The following KCNK13 variants were observed in gnomAD, a reference collection of about 807,000 sequenced individuals.
The protein encoded by KCNK13 is potassium two pore domain channel subfamily K member 13, also known as potassium channel subfamily K member 13.
Under a neutral mutation model 23.4 loss-of-function variants are expected in KCNK13, and 12 were observed. That is an observed-to-expected ratio of 0.51 (90% CI 0.33 to 0.83). The LOEUF (loss-of-function observed/expected upper bound fraction) is 0.83, where lower values mean the gene tolerates loss of function less well. KCNK13 is among the 40% of genes least tolerant of loss of function. The pLI is 0.02. For synonymous variants in KCNK13, 231 were observed against 229.5 expected, an observed-to-expected ratio of 1.01 and a Z score of -0.06; for missense variants, 463 against 556.3, an observed-to-expected ratio of 0.83 and a Z score of 1.69.
At chr14:90,169,118 T>C (rs1453283295) in intron 1 of KCNK13, among the ~76,000 whole-genome samples, 1 of 152,270 alleles carries the variant, frequency 6.6e-6, no homozygotes, top group Non-Finnish European at 1.5e-5. Context: ...CATTCACCTT[T>C]TATATGCAGT....
chr14:90,148,105 A>G (rs11844831), intron 1 of KCNK13, among the ~76,000 whole-genome samples: 10,917 of 152,212 alleles, frequency 0.072, 475 homozygotes, highest in South Asian at 0.21. Flanking sequence ...GCAGGTTGCA[A>G]TAAGCTGAGA....
chr14:90,109,461 T>A (rs58931009), intron 1 of KCNK13, among the ~76,000 whole-genome samples: 1 of 141,522 alleles, frequency 7.1e-6, no homozygotes, highest in Admixed American at 7.6e-5. Flanking sequence ...CAGGCTGGAG[T>A]GCAGTGGTGT....
At chr14:90,129,415 T>C (rs577073354) in intron 1 of KCNK13, among the ~76,000 whole-genome samples, 1 of 152,210 alleles carries the variant, frequency 6.6e-6, no homozygotes, top group African/African-American at 2.4e-5. Flanking sequence ...GAAGAACACA[T>C]ATGGCTGCGC....
intron 1 of KCNK13, among the ~76,000 whole-genome samples, chr14:90,096,310 T>G (rs1168004446): frequency 6.6e-6 from 1 of 152,188 alleles, no homozygotes; most frequent in Non-Finnish European, 1.5e-5. Context: ...AGCCCCATTC[T>G]GAAACTACCT....
chr14:90,147,118 G>C (rs117874911), intron 1 of KCNK13, among the ~76,000 whole-genome samples: 2 of 152,276 alleles, frequency 1.3e-5, no homozygotes, highest in East Asian at 3.9e-4. Flanking sequence ...GCTGCCTGCT[G>C]TCTGTGTCTG....
chr14:90,062,464 C>A lies in KCNK13; in HGVS notation c.259C>A (p.Arg87Ser). The A allele has an allele frequency of 6.5e-7, 1 of 1,545,600 alleles. No individual in the cohort carries two copies. Among genetic ancestry groups the A allele is most frequent in the South Asian group, 1.2e-5 (1 of 82,982 alleles). ...CGAGGAGGCCACTCGGGCCGGCATCCGCGTGGACAACGTCCGCCCGCGCTG... is the reference window on the plus strand; with the variant it reads ...CGAGGAGGCCACTCGGGCCGGCATCAGCGTGGACAACGTCCGCCCGCGCTG... The part of the protein sequence containing the change: ...HYEEATRAGI[R>S]VDNVRPRWDF... Residue 87 changes from arginine to serine, a missense_variant, in exon 1 of 2, where the codon CGC (arginine) becomes AGC (serine). Physicochemically the swap from Arg to Ser is moderately radical, Grantham distance 110. Transcript: ENST00000282146. The surrounding 1 kb of genome is among the most constrained non-coding windows in gnomAD (Gnocchi z 4.5).
intron 1 of KCNK13, among the ~76,000 whole-genome samples, chr14:90,119,228 G>C (rs1185374033): frequency 6.6e-6 from 1 of 152,148 alleles, no homozygotes; most frequent in African/African-American, 2.4e-5. Context: ...AGAAGAGCTG[G>C]TAACATTCCT....
At chr14:90,129,141 T>A (rs1435824135) in intron 1 of KCNK13, among the ~76,000 whole-genome samples, 1 of 152,216 alleles carries the variant, frequency 6.6e-6, no homozygotes, top group Non-Finnish European at 1.5e-5. Context: ...TTAGTCTCAA[T>A]CTTAGGTTTC....
chr14:90,075,955 T>C (rs1889129944), intron 1 of KCNK13, among the ~76,000 whole-genome samples: 1 of 152,226 alleles, frequency 6.6e-6, no homozygotes, highest in Admixed American at 6.5e-5. Context: ...AGAGAATGAC[T>C]TTTCCTTTGT....
In KCNK13 at chr14:90,114,419, A is replaced by G. The variant is rs141733656; in HGVS notation, c.334+51880A>G. 6.8e-3 allele frequency among the ~76,000 whole-genome samples: 1,033 copies of G among 152,272 alleles called. 16 individuals are homozygous for G. Among genetic ancestry groups the G allele is most frequent in the African/African-American group, 0.024 (985 of 41,550 alleles). On this transcript the variant is annotated intron_variant, in intron 1 of 1. Coordinates refer to ENST00000282146, the MANE Select transcript of KCNK13 (RefSeq NM_022054.4). The stretch of plus-strand genomic sequence containing the variant: ...TGACACCCGCAGAGATTCTGATTTA[A>G]GTGGTCTGGGGCATGACCTCGGCTT...
At position 90,066,402 on chromosome 14, in the gene KCNK13, G is replaced by A. The variant is rs1347864970; in HGVS notation, c.334+3863G>A. ...CTGCCTTGGCCTCCCAAGTAGCTGG[G>A]ATTACAGGTGCAAGCCACCACACCC... On this transcript the variant is annotated intron_variant, in intron 1 of 1. Coordinates refer to ENST00000282146, the MANE Select transcript of KCNK13 (RefSeq NM_022054.4). Among the ~76,000 whole-genome samples, 4 of 152,032 alleles carry A rather than the reference G, an allele frequency of 2.6e-5. No homozygotes were observed. In the East Asian group the frequency reaches 7.7e-4, roughly 29 times the overall value.
intron 1 of KCNK13, among the ~76,000 whole-genome samples, chr14:90,118,535 T>C (rs946906773): frequency 2.6e-5 from 4 of 152,248 alleles, no homozygotes; most frequent in Non-Finnish European, 4.4e-5. Flanking sequence ...TTCCACCTTT[T>C]GGCTTTTATG....
chr14:90,156,914 C>G (rs904022269), intron 1 of KCNK13, among the ~76,000 whole-genome samples: 2 of 152,160 alleles, frequency 1.3e-5, no homozygotes, highest in African/African-American at 4.8e-5. Flanking sequence ...GTTGGCTGTA[C>G]TGGGGTCCAG....
chr14:90,141,351 A>G (rs1198836075), intron 1 of KCNK13, among the ~76,000 whole-genome samples: 1 of 152,248 alleles, frequency 6.6e-6, no homozygotes, highest in Non-Finnish European at 1.5e-5. Flanking sequence ...TAATGAGTAC[A>G]CAAATGCATA....
At chr14:90,123,770 G>A (rs1454496834) in intron 1 of KCNK13, among the ~76,000 whole-genome samples, 2 of 152,042 alleles carry the variant, frequency 1.3e-5, no homozygotes, top group South Asian at 2.1e-4. Context: ...TAGCTGGGAC[G>A]ATAGCCATGC....
At chr14:90,102,974 G>A (rs1228849071) in intron 1 of KCNK13, among the ~76,000 whole-genome samples, 1 of 152,126 alleles carries the variant, frequency 6.6e-6, no homozygotes, top group Admixed American at 6.5e-5. Flanking sequence ...TTATTCCCAT[G>A]TTTATGTCTG....
Position 90,093,672 on chromosome 14 carries a change from G to A in KCNK13, c.334+31133G>A, listed in dbSNP as rs1439992003. Among the ~76,000 whole-genome samples, 4 of 152,160 alleles carry A rather than the reference G, an allele frequency of 2.6e-5. No individual in the cohort carries two copies. In the South Asian group the frequency reaches 8.3e-4, roughly 32 times the overall value. On this transcript the variant is annotated intron_variant, in intron 1 of 1. Transcript: ENST00000282146. ...TGGTTGGGGTTATTTGAGGTTTCCTGTGGAGATTCTCTGTCTCCCATTCAC... is the reference window on the plus strand; with the variant it reads ...TGGTTGGGGTTATTTGAGGTTTCCTATGGAGATTCTCTGTCTCCCATTCAC...
In KCNK13 at chr14:90,130,029, T is replaced by C. The variant is rs139168198; in HGVS notation, c.335-54082T>C. ...AGACCATCAACGGACATGTTTTGTC[T>C]GTTCTTTCAATGGAATATAATGTTG... is the stretch of plus-strand genomic sequence containing the variant. On this transcript the variant is annotated intron_variant, in intron 1 of 1. Transcript: ENST00000282146. 3.0e-3 allele frequency among the ~76,000 whole-genome samples: 464 copies of C among 152,288 alleles called. 4 individuals carry two copies. Among genetic ancestry groups the C allele is most frequent in the African/African-American group, 0.011 (437 of 41,566 alleles).
chr14:90,110,083 A>G (rs1270406990), intron 1 of KCNK13, among the ~76,000 whole-genome samples: 1 of 152,140 alleles, frequency 6.6e-6, no homozygotes, highest in Non-Finnish European at 1.5e-5. Flanking sequence ...TGTGACAGCC[A>G]AACTACCTGC....
Sources: gnomAD v4.1 joint callset for allele counts (sites outside exome capture counted in the v4.1 genomes callset) on GRCh38, gnomAD v4.1.1 for gene constraint, Gnocchi (gnomAD v3.1) non-coding constraint, MANE v1.5 for transcripts, NCBI Gene and HGNC (gene_info 2026-07-23, HGNC 2026-07-21) for gene names.